The following TMC1 variants were observed in gnomAD, a reference collection of about 807,000 sequenced individuals.
TMC1 encodes the protein transmembrane channel like 1.
A neutral mutation model predicts 105.8 loss-of-function variants in TMC1; 84 were observed. That is an observed-to-expected ratio of 0.79 (90% CI 0.67 to 0.95). The LOEUF (loss-of-function observed/expected upper bound fraction) is 0.95, where lower values mean the gene tolerates loss of function less well. Among genes scored for constraint, TMC1 ranks in the 40% least tolerant of loss-of-function variants. The pLI is 0.00. For synonymous variants in TMC1, 315 were observed against 311.5 expected (o/e 1.01, Z -0.12); for missense variants, 817 against 914.1 (o/e 0.89, Z 1.37).
chr9:72,797,197 A>G (rs1011734559), intron 17 of TMC1, among the ~76,000 whole-genome samples: 4 of 152,144 alleles, frequency 2.6e-5, no homozygotes, highest in African/African-American at 9.7e-5. Context: ...ACTACAAACT[A>G]CTGCTCAAGG....
At chr9:72,702,275 T>A (rs1180224707) in intron 8 of TMC1, among the ~76,000 whole-genome samples, 1 of 152,138 alleles carries the variant, frequency 6.6e-6, no homozygotes, top group Non-Finnish European at 1.5e-5. Context: ...TCCAACTGCA[T>A]GGAGGTGTAG....
chr9:72,674,361 G>C (rs760864446), intron 5 of TMC1, among the ~76,000 whole-genome samples: 2 of 152,142 alleles, frequency 1.3e-5, no homozygotes, highest in Non-Finnish European at 2.9e-5. Context: ...AGTAAGTTTG[G>C]AAGACATATA....
intron 8 of TMC1, among the ~76,000 whole-genome samples, chr9:72,709,576 T>C (rs1826799615): frequency 7.2e-5 from 11 of 152,144 alleles, no homozygotes; most frequent in Admixed American, 7.2e-4. Flanking sequence ...TAAATCCTCC[T>C]GATTTAAGCT....
chr9:72,661,528 CTG>C (rs1825969823), intron 5 of TMC1, among the ~76,000 whole-genome samples: 1 of 152,182 alleles, frequency 6.6e-6, no homozygotes, highest in African/African-American at 2.4e-5. Flanking sequence ...ACTGCCTCCT[CTG>C]TGTTGCTTTC....
chr9:72,537,765 G>T lies in TMC1; in HGVS notation c.-428+15852G>T, dbSNP rs181783047. Among the ~76,000 whole-genome samples, 17 of 152,302 alleles carry T rather than the reference G, an allele frequency of 1.1e-4. No homozygotes were observed. In the East Asian group the frequency reaches 3.3e-3, roughly 29 times the overall value. ...AAAGGCAAGACATCTACAAGTGGGGGCTTCCAGGTCATAGGTATATTCAAA... is the reference window on the plus strand; with the variant it reads ...AAAGGCAAGACATCTACAAGTGGGGTCTTCCAGGTCATAGGTATATTCAAA... On this transcript the variant is annotated intron_variant, in intron 1 of 23. Transcript: ENST00000297784.
At chr9:72,593,686 C>G (rs780583480) in intron 2 of TMC1, among the ~76,000 whole-genome samples, 20 of 151,538 alleles carry the variant, frequency 1.3e-4, no homozygotes, top group Non-Finnish European at 2.8e-4. Context: ...GCCCCCGTGC[C>G]CAGCCCCAAG....
chr9:72,643,745 G>A (rs1825665106), intron 4 of TMC1, among the ~76,000 whole-genome samples: 1 of 152,178 alleles, frequency 6.6e-6, no homozygotes, highest in South Asian at 2.1e-4. Context: ...GATTCATGTG[G>A]AAGTCTGTAT....
intron 17 of TMC1, 49 bp downstream of exon 17, chr9:72,792,401 G>C: frequency 6.2e-7 from 1 of 1,607,852 alleles, no homozygotes; most frequent in Non-Finnish European, 8.5e-7. Flanking sequence ...TAAAAAAAGA[G>C]AGTCAATATC....
At chr9:72,582,802 A>G (rs543925659) in intron 2 of TMC1, among the ~76,000 whole-genome samples, 13 of 152,348 alleles carry the variant, frequency 8.5e-5, no homozygotes, top group African/African-American at 3.1e-4. Context: ...AAGCTGTTCA[A>G]TACCTTTTTC....
At chr9:72,795,430 A>G (rs1030660721) in intron 17 of TMC1, among the ~76,000 whole-genome samples, 1 of 152,214 alleles carries the variant, frequency 6.6e-6, no homozygotes, top group African/African-American at 2.4e-5. Flanking sequence ...GAACACCATT[A>G]GGCTAACAGC....
chr9:72,626,129 G>A (rs967654486), intron 3 of TMC1, among the ~76,000 whole-genome samples: 4 of 152,162 alleles, frequency 2.6e-5, no homozygotes, highest in African/African-American at 9.7e-5. Context: ...ATGTTCGAAT[G>A]AAGGAGACTT....
chr9:72,834,961 AT>A, intron 23 of TMC1, among the ~76,000 whole-genome samples: 1 of 152,038 alleles, frequency 6.6e-6, no homozygotes, highest in Non-Finnish European at 1.5e-5. Flanking sequence ...CGTTTCAGAG[AT>A]TTTATGTGTA....
chr9:72,654,832 G>A (rs1825861428), intron 5 of TMC1, among the ~76,000 whole-genome samples: 1 of 150,612 alleles, frequency 6.6e-6, no homozygotes, highest in African/African-American at 2.4e-5. Flanking sequence ...TTTCTATCTG[G>A]TATACTTTTC....
At chr9:72,758,350 G>C (rs977942354) in intron 12 of TMC1, among the ~76,000 whole-genome samples, 1 of 151,942 alleles carries the variant, frequency 6.6e-6, no homozygotes, top group African/African-American at 2.4e-5. Context: ...AGAGAGGGAA[G>C]GACCTTTAAT....
chr9:72,796,867 G>A lies in TMC1; in HGVS notation c.1566+4515G>A, dbSNP rs185249378. On this transcript the variant is annotated intron_variant, in intron 17 of 23. Transcript: ENST00000297784. Reference sequence around the variant, plus strand: ...TATTCAACATAGTATTTGAAGTTCTGGCCAGGGCAATCAGGCAAGAGAAAG... The same window carrying A: ...TATTCAACATAGTATTTGAAGTTCTAGCCAGGGCAATCAGGCAAGAGAAAG... Among the ~76,000 whole-genome samples the A allele has an allele frequency of 9.1e-4, 138 of 152,142 alleles. 1 individual carries two copies. Among genetic ancestry groups the A allele is most frequent in the African/African-American group, 3.3e-3 (135 of 41,510 alleles).
At chr9:72,719,642 A>C (rs1026423431) in intron 8 of TMC1, among the ~76,000 whole-genome samples, 2 of 152,200 alleles carry the variant, frequency 1.3e-5, no homozygotes, top group African/African-American at 4.8e-5. Context: ...TTGGAACAAA[A>C]GTTCACAATG....
rs187689820 is a variant in TMC1 at position 72,584,341 on chromosome 9, C to T, written c.-306+6318C>T. Among the ~76,000 whole-genome samples the T allele has an allele frequency of 4.0e-5, 6 of 151,220 alleles. No homozygotes were observed. In the East Asian group the frequency reaches 1.2e-3, roughly 30 times the overall value. On this transcript the variant is annotated intron_variant, in intron 2 of 23. Transcript: ENST00000297784. ...AGTGCAGTGATGAGATCACAGGTCA[C>T]TGCAACCTCCACCTTCAGGGCTCAA...
At chr9:72,577,814 A>T (rs76565666) in intron 1 of TMC1, 88 bp from the exon 2 acceptor site, 325 of 152,294 alleles carry the variant, frequency 2.1e-3, no homozygotes, top group African/African-American at 7.6e-3. Flanking sequence ...CGCAGCCAGC[A>T]TGCTGTGTTT....
intron 3 of TMC1, among the ~76,000 whole-genome samples, chr9:72,624,706 T>C (rs973796962): frequency 2.6e-5 from 4 of 152,310 alleles, no homozygotes. Context: ...CACTACTGAT[T>C]GTTTGTAGGT....
Sources: allele counts gnomAD v4.1 joint callset (sites outside exome capture counted in the v4.1 genomes callset), GRCh38; gene constraint gnomAD v4.1.1; transcripts MANE v1.5; gene names NCBI Gene and HGNC (gene_info 2026-07-23, HGNC 2026-07-21).